RAPGEF1: variants seen among roughly 807,000 people sequenced by gnomAD.
The protein encoded by RAPGEF1 is Rap guanine nucleotide exchange factor 1, also known as CRK SH3-binding GNRP.
RAPGEF1 carries 33 observed loss-of-function variants against 143.3 expected under a neutral mutation model. The observed-to-expected ratio is 0.23, with a 90% CI of 0.17 to 0.31. The LOEUF (loss-of-function observed/expected upper bound fraction) is 0.31, where lower values mean the gene tolerates loss of function less well. RAPGEF1 is among the 10% of genes least tolerant of loss of function. The probability of loss-of-function intolerance (pLI) is 1.00; values close to 1 mark genes in which losing one functional copy is unlikely to be tolerated. For missense variants in RAPGEF1, 1,199 were observed against 1,645.4 expected, an observed-to-expected ratio of 0.73 and a Z score of 4.69; for synonymous variants, 629 against 676.5, an observed-to-expected ratio of 0.93 and a Z score of 1.09.
chr9:131,679,070 G>C (rs1832691186), intron 1 of RAPGEF1, among the ~76,000 whole-genome samples: 6 of 151,948 alleles, frequency 3.9e-5, no homozygotes, highest in Admixed American at 3.3e-4. Context: ...GACTGGGGGT[G>C]GGGGGAAATG....
rs3837234 is a variant in RAPGEF1 at position 131,639,437 on chromosome 9, A to AGTGTGTGTGTGTGTGT, written c.495-662_495-647dup. Among the ~76,000 whole-genome samples, 854 of 149,166 alleles carry AGTGTGTGTGTGTGTGT rather than the reference A, an allele frequency of 5.7e-3. 6 individuals are homozygous for AGTGTGTGTGTGTGTGT. Among genetic ancestry groups the AGTGTGTGTGTGTGTGT allele is most frequent in the African/African-American group, 0.019 (745 of 40,108 alleles). ...GGATGTGAGGATGGGAACGCAGGTG[A>AGTGTGTGTGTGTGTGT]GTGTGTGTGTGTGTGTGTGTGTGTG... On this transcript the variant is annotated intron_variant, in intron 4 of 26. Coordinates refer to ENST00000683357, the MANE Select transcript of RAPGEF1 (RefSeq NM_001377935.1).
intron 22 of RAPGEF1, among the ~76,000 whole-genome samples, chr9:131,587,037 CA>C (rs1326154921): frequency 6.1e-5 from 7 of 113,948 alleles, no homozygotes; most frequent in African/African-American, 1.9e-4. Flanking sequence ...CACACACACA[CA>C]CCCCTGCAGA....
chr9:131,691,304 AG>A lies in RAPGEF1; in HGVS notation c.62-40356del, dbSNP rs1240669959. On this transcript the variant is annotated intron_variant, in intron 1 of 26. Coordinates refer to ENST00000683357, the MANE Select transcript of RAPGEF1 (RefSeq NM_001377935.1). ...TCTCTCTGACCTCAAATTCACTTTG[AG>A]GTTTCTCAGTTGGGCCCCCAGAAAA... is the stretch of plus-strand genomic sequence containing the variant. 2.6e-5 allele frequency among the ~76,000 whole-genome samples: 4 copies of A among 152,318 alleles called. No homozygotes were observed. In the East Asian group the frequency reaches 5.8e-4, roughly 22 times the overall value.
intron 1 of RAPGEF1, among the ~76,000 whole-genome samples, chr9:131,657,121 C>G (rs959194965): frequency 6.6e-6 from 1 of 152,188 alleles, no homozygotes; most frequent in Admixed American, 6.5e-5. Context: ...TCACACTATG[C>G]CTTTGAGTGC....
chr9:131,704,795 C>A (rs1042131506), intron 1 of RAPGEF1, among the ~76,000 whole-genome samples: 1 of 152,080 alleles, frequency 6.6e-6, no homozygotes, highest in Non-Finnish European at 1.5e-5. Context: ...GGAAAGGAGC[C>A]AGTCAGGCAG....
intron 4 of RAPGEF1, 121 bp from the exon 5 acceptor site, chr9:131,638,912 T>C: frequency 1.0e-6 from 1 of 992,740 alleles, no homozygotes; most frequent in East Asian, 2.7e-5. Flanking sequence ...AAATCCATAC[T>C]GCCTTTTAAT....
At chr9:131,719,926 C>A (rs1589099324) in intron 1 of RAPGEF1, among the ~76,000 whole-genome samples, 1 of 150,624 alleles carries the variant, frequency 6.6e-6, no homozygotes, top group East Asian at 1.9e-4. Flanking sequence ...CACTCTGTCA[C>A]CCAGGCTGAA....
At chr9:131,736,847 A>G (rs1442849257) in intron 1 of RAPGEF1, among the ~76,000 whole-genome samples, 1 of 152,102 alleles carries the variant, frequency 6.6e-6, no homozygotes, top group Non-Finnish European at 1.5e-5. Context: ...AATCACAACA[A>G]TTGTTTGCCT....
At chr9:131,597,143 T>G (rs1955440487) in intron 16 of RAPGEF1, among the ~76,000 whole-genome samples, 2 of 152,218 alleles carry the variant, frequency 1.3e-5, no homozygotes, top group African/African-American at 2.4e-5. Context: ...CTCCTTGCTC[T>G]GTAACGCTGG....
At chr9:131,636,913 G>A (rs1020239464) in intron 5 of RAPGEF1, among the ~76,000 whole-genome samples, 1 of 152,158 alleles carries the variant, frequency 6.6e-6, no homozygotes, top group Non-Finnish European at 1.5e-5. Context: ...GCAGATACTA[G>A]TAACTTTTTG....
chr9:131,625,032 G>T (rs1285486711), intron 10 of RAPGEF1, among the ~76,000 whole-genome samples: 3 of 152,238 alleles, frequency 2.0e-5, no homozygotes, highest in South Asian at 2.1e-4. Flanking sequence ...GCTCTAAGCT[G>T]GGCTCAGAAG....
At chr9:131,683,732 A>G (rs1205057026) in intron 1 of RAPGEF1, among the ~76,000 whole-genome samples, 2 of 152,262 alleles carry the variant, frequency 1.3e-5, no homozygotes, top group African/African-American at 2.4e-5. Context: ...TTTCAGCTCA[A>G]AAAGCGGAGC....
intron 16 of RAPGEF1, among the ~76,000 whole-genome samples, chr9:131,596,602 C>G (rs1272212544): frequency 6.6e-6 from 1 of 152,192 alleles, no homozygotes; most frequent in African/African-American, 2.4e-5. Context: ...TGTCTGGGAG[C>G]TGGATGGCCT....
chr9:131,614,782 T>A (rs1422288638), intron 12 of RAPGEF1, among the ~76,000 whole-genome samples: 5 of 151,836 alleles, frequency 3.3e-5, no homozygotes, highest in Admixed American at 1.3e-4. Flanking sequence ...CAGACCCTTT[T>A]AAAAAAATTA....
At chr9:131,709,622 TG>T (rs777932172) in intron 1 of RAPGEF1, 186 of 1,613,730 alleles carry the variant, frequency 1.2e-4, no homozygotes, top group Non-Finnish European at 1.5e-4. Flanking sequence ...TTTCTTACCT[TG>T]TTTCCAGGGG....
intron 9 of RAPGEF1, among the ~76,000 whole-genome samples, chr9:131,626,848 C>A (rs995889870): frequency 6.6e-6 from 1 of 152,190 alleles, no homozygotes; most frequent in South Asian, 2.1e-4. Context: ...CGCCTGTAAT[C>A]CCAGCACTCT....
intron 12 of RAPGEF1, among the ~76,000 whole-genome samples, chr9:131,613,061 C>T (rs1412439829): frequency 6.6e-6 from 1 of 152,190 alleles, no homozygotes; most frequent in African/African-American, 2.4e-5. Flanking sequence ...CAGCAGCCTC[C>T]CCCACATGGC....
At position 131,639,740 on chromosome 9, in the gene RAPGEF1, C is replaced by T. The variant is rs1401170305; in HGVS notation, c.495-949G>A. Reference sequence around the variant, plus strand: ...AAAACACACAAAAAACAAAAAAACACCCCAAAATGATGCAGATTTAGGAGC... The same window carrying T: ...AAAACACACAAAAAACAAAAAAACATCCCAAAATGATGCAGATTTAGGAGC... On this transcript the variant is annotated intron_variant, in intron 4 of 26. Coordinates refer to ENST00000683357, the MANE Select transcript of RAPGEF1 (RefSeq NM_001377935.1). Among the ~76,000 whole-genome samples, 16 of 151,966 alleles carry T rather than the reference C, an allele frequency of 1.1e-4. 1 individual carries two copies. Among genetic ancestry groups the T allele is most frequent in the Admixed American group, 7.9e-4 (12 of 15,254 alleles).
At chr9:131,724,203 A>T (rs935171509) in intron 1 of RAPGEF1, among the ~76,000 whole-genome samples, 1 of 152,166 alleles carries the variant, frequency 6.6e-6, no homozygotes, top group South Asian at 2.1e-4. Flanking sequence ...CTGACAGTGT[A>T]TTGTTAAGAT....
Sources: allele counts gnomAD v4.1 joint callset (sites outside exome capture counted in the v4.1 genomes callset), GRCh38; gene constraint gnomAD v4.1.1; transcripts MANE v1.5; gene names NCBI Gene and HGNC (gene_info 2026-07-23, HGNC 2026-07-21).